The following SPON2 variants were observed in gnomAD, a reference collection of about 807,000 sequenced individuals.
The protein encoded by SPON2 is spondin-2.
Under a neutral mutation model 29.9 loss-of-function variants are expected in SPON2, and 32 were observed. The observed-to-expected ratio is 1.07, with a 90% CI of 0.81 to 1.44. SPON2 has a LOEUF of 1.44. SPON2 is among the 40% of genes most tolerant of loss of function. The pLI is 0.00. For missense variants in SPON2, 541 were observed against 455.5 expected, an observed-to-expected ratio of 1.19 and a Z score of -1.71; for synonymous variants, 248 against 209.1, an observed-to-expected ratio of 1.19 and a Z score of -1.61.
At chr4:1,184,578 A>G (rs1440215993) in intron 1 of SPON2, among the ~76,000 whole-genome samples, 2 of 152,182 alleles carry the variant, frequency 1.3e-5, no homozygotes, top group African/African-American at 4.8e-5. Context: ...AATCTCCTAC[A>G]AAGCTGTAGT....
intron 5 of SPON2, 53 bp downstream of exon 5, chr4:1,170,349 T>G (rs1727382879): frequency 1.3e-6 from 2 of 1,560,738 alleles, no homozygotes; most frequent in Non-Finnish European, 8.7e-7. Context: ...GTGGTCGCCC[T>G]GTGGCAGGGT....
intron 5 of SPON2, among the ~76,000 whole-genome samples, chr4:1,169,491 G>A (rs945268861): frequency 6.6e-6 from 1 of 152,180 alleles, no homozygotes; most frequent in Admixed American, 6.5e-5. Context: ...GCGGCCTCCT[G>A]TCTGACCTGA....
At chr4:1,177,190 G>A (rs1727620812), upstream of SPON2, among the ~76,000 whole-genome samples, 1 of 152,224 alleles carries the variant, frequency 6.6e-6, no homozygotes, top group African/African-American at 2.4e-5. Context: ...CTGCAGCTGG[G>A]CAGAGCAGCC....
chr4:1,193,255 A>C (rs1727950800), intron 1 of SPON2, among the ~76,000 whole-genome samples: 1 of 152,176 alleles, frequency 6.6e-6, no homozygotes, highest in Non-Finnish European at 1.5e-5. Context: ...GCAGAGACTC[A>C]GTGGGCACTG....
chr4:1,188,297 C>T (rs375425648), intron 1 of SPON2, among the ~76,000 whole-genome samples: 5 of 141,496 alleles, frequency 3.5e-5, no homozygotes, highest in African/African-American at 1.3e-4. Flanking sequence ...CATATGGAAA[C>T]AGAGGAACAA....
upstream of SPON2, among the ~76,000 whole-genome samples, chr4:1,198,406 T>A (rs1470744624): frequency 6.6e-6 from 1 of 152,150 alleles, no homozygotes; most frequent in Non-Finnish European, 1.5e-5. Context: ...ACTTTAACCT[T>A]CCCAAGACAT....
At position 1,172,014 on chromosome 4, in the gene SPON2, C is replaced by T; in HGVS notation, c.58G>A (p.Ala20Thr). ...LGKALCALLL[A>T]TLGAAGQPLG... is the part of the protein sequence containing the mutation. Reference sequence around the variant, plus strand: ...GGCTGGCCGGCGGCGCCGAGAGTGGCCAGGAGGAGAGCGCAGAGGGCCTTG... The same window carrying T: ...GGCTGGCCGGCGGCGCCGAGAGTGGTCAGGAGGAGAGCGCAGAGGGCCTTG... Residue 20 changes from alanine (A) to threonine (T), a missense_variant, in exon 2 of 6, where the codon GCC (alanine) becomes ACC (threonine). Coordinates refer to ENST00000290902, the MANE Select transcript of SPON2 (RefSeq NM_012445.4). 1 of 1,612,738 alleles carries T rather than the reference C, an allele frequency of 6.2e-7. No homozygotes were observed. Among genetic ancestry groups the T allele is most frequent in the Non-Finnish European group, 8.5e-7 (1 of 1,179,856 alleles).
intron 1 of SPON2, among the ~76,000 whole-genome samples, chr4:1,186,001 T>C (rs535187864): frequency 1.1e-4 from 16 of 151,524 alleles, no homozygotes; most frequent in East Asian, 9.9e-4. Flanking sequence ...TCCCAGCACT[T>C]TGGGAGGCCG....
At chr4:1,206,028 C>G (rs955012601) in intron 1 of SPON2, among the ~76,000 whole-genome samples, 2 of 152,086 alleles carry the variant, frequency 1.3e-5, no homozygotes, top group African/African-American at 4.8e-5. Flanking sequence ...GGGGGCGGAG[C>G]TTTTGGGAGG....
rs912712049 is a variant in SPON2, at chr4:1,202,706, C to T, written c.-234+5174G>A. Among the ~76,000 whole-genome samples the T allele has an allele frequency of 6.6e-6, 1 of 152,190 alleles. No homozygotes were observed. The highest frequency in any genetic ancestry group is 1.5e-5 in the Non-Finnish European group (1 of 68,026). On this transcript the variant is annotated intron_variant, in intron 1 of 3. Coordinates refer to the SPON2 transcript ENST00000509233. This position sits in a 1 kb window ranked among gnomAD's most constrained non-coding sequence, Gnocchi z 5.4. ...ACCTCAGCTCCGGTGGGCATAGCCTCGGTGGGGACTCCGAGGCAGCTCCAA... is the reference window on the plus strand; with the variant it reads ...ACCTCAGCTCCGGTGGGCATAGCCTTGGTGGGGACTCCGAGGCAGCTCCAA...
chr4:1,173,893 CCTT>C (rs1332422569), upstream of SPON2, among the ~76,000 whole-genome samples: 10 of 152,226 alleles, frequency 6.6e-5, no homozygotes, highest in Non-Finnish European at 8.8e-5. Context: ...TCTGAGGACT[CCTT>C]CATACTCTTA....
chr4:1,186,037 GA>G (rs1560207580), intron 1 of SPON2, among the ~76,000 whole-genome samples: 1 of 150,478 alleles, frequency 6.6e-6, no homozygotes, highest in Non-Finnish European at 1.5e-5. Flanking sequence ...GAGGTCAGGA[GA>G]TCGAGACCAT....
In SPON2 at chr4:1,190,421, A is replaced by C. The variant is rs191242515; in HGVS notation, c.-239+4569T>G. On this transcript the variant is annotated intron_variant, in intron 1 of 3. Coordinates refer to the SPON2 transcript ENST00000502483. ...CATAAATTCTTCCAAAATAGGGAAC[A>C]CTTCCTCACTCATTCAGAGGCCAGT... Among the ~76,000 whole-genome samples, 265 of 152,326 alleles carry C rather than the reference A, an allele frequency of 1.7e-3. 1 individual carries two copies. Among genetic ancestry groups the C allele is most frequent in the African/African-American group, 6.3e-3 (261 of 41,576 alleles).
chr4:1,185,734 C>T (rs976418917), intron 1 of SPON2, among the ~76,000 whole-genome samples: 13 of 97,558 alleles, frequency 1.3e-4, no homozygotes, highest in African/African-American at 4.3e-4. Context: ...GAAGTTGGAC[C>T]TTTTGCCTGA....
At chr4:1,168,949 C>T (rs886225838) in intron 5 of SPON2, among the ~76,000 whole-genome samples, 3 of 152,168 alleles carry the variant, frequency 2.0e-5, no homozygotes, top group African/African-American at 7.2e-5. Context: ...CAGGAGAGAC[C>T]CTTGTGGGCG....
At chr4:1,170,810 AC>A in intron 4 of SPON2, 188 bp downstream of exon 4, 1 of 993,182 alleles carries the variant, frequency 1.0e-6, no homozygotes, top group Non-Finnish European at 1.5e-6. Flanking sequence ...CGGTGCTGTG[AC>A]CCCGGGTTGG....
At chr4:1,171,616 G>A (rs1486641229) in intron 2 of SPON2, 130 bp from the exon 3 acceptor site, 1 of 1,014,870 alleles carries the variant, frequency 9.9e-7, no homozygotes, top group Non-Finnish European at 1.4e-6. Flanking sequence ...ACGTCGGACC[G>A]TGACACCCTG....
At chr4:1,189,671 G>C (rs944848985) in intron 1 of SPON2, among the ~76,000 whole-genome samples, 1 of 135,642 alleles carries the variant, frequency 7.4e-6, no homozygotes, top group Admixed American at 7.5e-5. Flanking sequence ...AAGAAAGAAA[G>C]AAAAGAAAAC....
chr4:1,208,539 C>G (rs982859010), upstream of SPON2: 1 of 152,350 alleles, frequency 6.6e-6, no homozygotes, highest in Non-Finnish European at 1.5e-5. Context: ...GCTGCCCGAC[C>G]CTCCCCAGCT....
Sources: allele counts gnomAD v4.1 joint callset (sites outside exome capture counted in the v4.1 genomes callset), GRCh38; gene constraint gnomAD v4.1.1; non-coding constraint Gnocchi (gnomAD v3.1); transcripts MANE v1.5; gene names NCBI Gene and HGNC (gene_info 2026-07-23, HGNC 2026-07-21).